The following ACER3 variants were observed in gnomAD, a reference collection of about 807,000 sequenced individuals.
ACER3 encodes the protein alkCDase 3.
In ACER3, 16 loss-of-function variants were observed where a neutral mutation model predicts 48.9. That is an observed-to-expected ratio of 0.33 (90% CI 0.22 to 0.50). ACER3 has a LOEUF of 0.50. Ranked by LOEUF, ACER3 falls within the 20% of genes least tolerant of loss-of-function variation. ACER3 has a pLI of 0.98. For missense variants in ACER3, 227 were observed against 326.0 expected (o/e 0.70, Z 2.34); for synonymous variants, 109 against 107.8 (o/e 1.01, Z -0.07).
chr11:77,019,251 G>C (rs1181789646), intron 9 of ACER3, among the ~76,000 whole-genome samples: 1 of 152,170 alleles, frequency 6.6e-6, no homozygotes, highest in Non-Finnish European at 1.5e-5. Flanking sequence ...ACAAGGTCTG[G>C]GGTTCGAGAC....
At chr11:77,018,661 T>C (rs1278074176) in intron 9 of ACER3, among the ~76,000 whole-genome samples, 12 of 152,208 alleles carry the variant, frequency 7.9e-5, no homozygotes, top group Admixed American at 7.9e-4. Flanking sequence ...ATAGTGAAAG[T>C]GACACAGCCT....
intron 1 of ACER3, among the ~76,000 whole-genome samples, chr11:76,867,468 CAAAAAAAAAAAAAAAAA>C (rs1156610809): frequency 4.6e-4 from 9 of 19,636 alleles, no homozygotes; most frequent in South Asian, 3.2e-3. Flanking sequence ...GACTCTGTCT[CAAAAAAAAAAAAAAAAA>C]AAAAAAAAAA....
Position 77,024,437 on chromosome 11 carries a change from A to C in ACER3, c.*4110A>C, listed in dbSNP as rs1464211778. ...AAATTATCAGCCCAGTCAGCTTCATATACCCAGATATGGACACTTCTACAC... is the reference window on the plus strand; with the variant it reads ...AAATTATCAGCCCAGTCAGCTTCATCTACCCAGATATGGACACTTCTACAC... On this transcript the variant is annotated 3_prime_UTR_variant, in exon 11 of 11. Transcript: ENST00000532485. 6.6e-6 allele frequency: 1 copy of C among 152,190 alleles called. No individual in the cohort carries two copies. The highest frequency in any genetic ancestry group is 6.5e-5 in the Admixed American group (1 of 15,268). The allele number at this position is 152,190 out of a possible 1,614,324, so 9.4% of individuals were successfully genotyped here.
intron 2 of ACER3, among the ~76,000 whole-genome samples, chr11:76,933,940 C>A (rs938069192): frequency 6.6e-6 from 1 of 151,798 alleles, no homozygotes; most frequent in Non-Finnish European, 1.5e-5. Flanking sequence ...TCGGGGCGGC[C>A]GGGCAGAGAC....
At chr11:76,861,818 C>T (rs531048671) in intron 1 of ACER3, among the ~76,000 whole-genome samples, 17 of 152,312 alleles carry the variant, frequency 1.1e-4, no homozygotes, top group African/African-American at 4.1e-4. Context: ...ATCCAACTAT[C>T]TAGGAGTTAG....
chr11:76,862,574 C>T (rs150861309), intron 1 of ACER3, among the ~76,000 whole-genome samples: 14 of 152,182 alleles, frequency 9.2e-5, no homozygotes, highest in East Asian at 1.9e-4. Context: ...ATGCACTCTG[C>T]GCTGGAAATG....
chr11:76,958,604 A>T (rs932528871), intron 2 of ACER3, among the ~76,000 whole-genome samples: 2 of 152,230 alleles, frequency 1.3e-5, no homozygotes, highest in Non-Finnish European at 2.9e-5. Context: ...CAAGTTCAGG[A>T]ACAAACTGAC....
intron 8 of ACER3, among the ~76,000 whole-genome samples, chr11:77,016,204 T>C (rs1387074348): frequency 6.6e-6 from 1 of 151,698 alleles, no homozygotes; most frequent in Non-Finnish European, 1.5e-5. Context: ...CCAGATACAA[T>C]GTGTTGGCCT....
intron 2 of ACER3, among the ~76,000 whole-genome samples, chr11:76,934,852 C>T (rs930771040): frequency 5.9e-5 from 9 of 152,112 alleles, no homozygotes; most frequent in Non-Finnish European, 1.2e-4. Context: ...AACATGCAGC[C>T]TATTTCCATG....
chr11:76,870,554 T>A (rs1198007679), intron 1 of ACER3, among the ~76,000 whole-genome samples: 3 of 152,228 alleles, frequency 2.0e-5, no homozygotes, highest in Non-Finnish European at 4.4e-5. Context: ...AAGGTGGAAC[T>A]GCTGGACGAT....
intron 2 of ACER3, among the ~76,000 whole-genome samples, chr11:76,929,391 A>G (rs1453859769): frequency 6.6e-6 from 1 of 152,208 alleles, no homozygotes; most frequent in East Asian, 1.9e-4. Flanking sequence ...CAGATATACA[A>G]TCATGTCATC....
chr11:76,877,800 A>G (rs1397293434), intron 1 of ACER3, among the ~76,000 whole-genome samples: 1 of 152,062 alleles, frequency 6.6e-6, no homozygotes, highest in African/African-American at 2.4e-5. Context: ...TAACCAGTAT[A>G]CTTAATTTAG....
intron 1 of ACER3, among the ~76,000 whole-genome samples, chr11:76,889,550 A>G (rs1394302145): frequency 6.6e-6 from 1 of 152,238 alleles, no homozygotes; most frequent in Non-Finnish European, 1.5e-5. Context: ...ACACATGGAA[A>G]TATAGAGTTG....
chr11:76,922,191 T>C (rs1338027506), intron 1 of ACER3, among the ~76,000 whole-genome samples: 1 of 152,182 alleles, frequency 6.6e-6, no homozygotes, highest in East Asian at 1.9e-4. Flanking sequence ...TTTGCAATTC[T>C]TCATTCTAAT....
At chr11:77,013,696 C>G (rs1949311661) in intron 7 of ACER3, among the ~76,000 whole-genome samples, 1 of 152,184 alleles carries the variant, frequency 6.6e-6, no homozygotes, top group Admixed American at 6.5e-5. Context: ...AAATATTCAC[C>G]TGCCATACAA....
At chr11:76,882,501 A>G (rs567158935) in intron 1 of ACER3, among the ~76,000 whole-genome samples, 1 of 152,000 alleles carries the variant, frequency 6.6e-6, no homozygotes, top group East Asian at 1.9e-4. Flanking sequence ...TTCTCCAGAG[A>G]TTTCCTATCT....
chr11:76,973,898 T>C (rs1311114825), intron 3 of ACER3, among the ~76,000 whole-genome samples: 2 of 152,212 alleles, frequency 1.3e-5, no homozygotes, highest in African/African-American at 4.8e-5. Flanking sequence ...AGTTAATTAT[T>C]TATGTGGTAT....
chr11:76,908,997 C>T (rs1462185879), intron 1 of ACER3, among the ~76,000 whole-genome samples: 4 of 152,038 alleles, frequency 2.6e-5, no homozygotes, highest in African/African-American at 7.2e-5. Context: ...CTTTGACAAA[C>T]CTGACAAAAA....
intron 3 of ACER3, among the ~76,000 whole-genome samples, chr11:76,975,881 T>C (rs1443041328): frequency 5.6e-5 from 8 of 142,340 alleles, no homozygotes; most frequent in East Asian, 4.0e-4. Flanking sequence ...TTTCTTTTTT[T>C]TTTTTTTTTT....
Sources: allele counts gnomAD v4.1 joint callset (sites outside exome capture counted in the v4.1 genomes callset), GRCh38; gene constraint gnomAD v4.1.1; transcripts MANE v1.5; gene names NCBI Gene and HGNC (gene_info 2026-07-23, HGNC 2026-07-21).